BPIFA2: variants seen among roughly 807,000 people sequenced by gnomAD.
The protein encoded by BPIFA2 is BPI fold-containing family A member 2.
A neutral mutation model predicts 25.7 loss-of-function variants in BPIFA2; 20 were observed. The ratio of observed to expected loss-of-function variants is 0.78; its 90% CI spans 0.55 to 1.13. BPIFA2 has a LOEUF of 1.13. Among genes scored for constraint, BPIFA2 ranks in the 50% most tolerant of loss-of-function variants. The pLI is 0.00. For missense variants in BPIFA2, 300 were observed against 298.1 expected (o/e 1.01, Z -0.05); for synonymous variants, 126 against 124.3 (o/e 1.01, Z -0.09).
At chr20:33,166,810 C>A (rs993939894), upstream of BPIFA2, among the ~76,000 whole-genome samples, 2 of 152,238 alleles carry the variant, frequency 1.3e-5, no homozygotes, top group African/African-American at 4.8e-5. Flanking sequence ...CACCAGGTCT[C>A]GAGGTCACTG....
upstream of BPIFA2, among the ~76,000 whole-genome samples, chr20:33,165,819 G>A (rs1983706338): frequency 6.6e-6 from 1 of 152,156 alleles, no homozygotes; most frequent in South Asian, 2.1e-4. Flanking sequence ...AAGACTTTGT[G>A]TAACCTGGAG....
rs186765312 is a variant in BPIFA2, at chr20:33,174,860, G to A, written c.411-547G>A. On this transcript the variant is annotated intron_variant, in intron 4 of 8. Coordinates refer to ENST00000354932, the MANE Select transcript of BPIFA2 (RefSeq NM_080574.4). Reference sequence around the variant, plus strand: ...GGAGAGGTCGAGGCTGCAGTGAGCCGTGATTGCACCACTGCATTCCAGCCT... The same window carrying A: ...GGAGAGGTCGAGGCTGCAGTGAGCCATGATTGCACCACTGCATTCCAGCCT... Among the ~76,000 whole-genome samples the A allele has an allele frequency of 1.4e-4, 22 of 152,306 alleles. No individual in the cohort carries two copies. The South Asian group carries it at 1.7e-3, about 11-fold the overall frequency.
upstream of BPIFA2, among the ~76,000 whole-genome samples, chr20:33,165,984 T>A (rs1306879786): frequency 6.6e-6 from 1 of 152,110 alleles, no homozygotes; most frequent in Non-Finnish European, 1.5e-5. Context: ...TATATAATAT[T>A]AATCTTATGA....
At chr20:33,167,391 A>T (rs907311473), upstream of BPIFA2, among the ~76,000 whole-genome samples, 1 of 151,852 alleles carries the variant, frequency 6.6e-6, no homozygotes, top group African/African-American at 2.4e-5. Flanking sequence ...AGGCCCAGGG[A>T]CTCTCCCTCT....
chr20:33,175,057 G>C (rs540783162), intron 4 of BPIFA2, among the ~76,000 whole-genome samples: 1 of 152,232 alleles, frequency 6.6e-6, no homozygotes, highest in African/African-American at 2.4e-5. Context: ...TCTGTACCAA[G>C]GTTTCCTCAT....
Position 33,174,146 on chromosome 20 carries a change from A to T in BPIFA2, c.370A>T (p.Asn124Tyr), listed in dbSNP as rs1239205378. 6.2e-7 allele frequency: 1 copy of T among 1,614,194 alleles called. No individual in the cohort carries two copies. Among genetic ancestry groups the T allele is most frequent in the South Asian group, 1.1e-5 (1 of 91,076 alleles). Residue 124 changes from asparagine (N) to tyrosine (Y), a missense_variant, in exon 4 of 9, where the codon AAC becomes TAC. Transcript: ENST00000354932. ...ACCGATCGATGATGGCAAAGGCCTT[A>T]ACCTGAGCTTCCCTGTCACCGCGAA... The part of the protein sequence containing the change: ...AEPIDDGKGL[N>Y]LSFPVTANVT...
In BPIFA2 at chr20:33,173,074, T is replaced by G. The variant is rs1367376769; in HGVS notation, c.300T>G (p.Phe100Leu). Reference protein sequence around the residue: ...SKLLPTNTDIFGLKISNSLIL... With the variant: ...SKLLPTNTDILGLKISNSLIL... Reference sequence around the variant, plus strand: ...TGCTTCCAACTAACACGGACATTTTTGGGTGAGTTGGTCCTTCAGGGTGGA... The same window carrying G: ...TGCTTCCAACTAACACGGACATTTTGGGGTGAGTTGGTCCTTCAGGGTGGA... The change falls in exon 3 of 9, where the codon TTT (phenylalanine) becomes TTG (leucine). Residue 100 changes from phenylalanine to leucine, a missense_variant and splice_region_variant. By Grantham distance (22) the Phe-to-Leu change is conservative. Transcript: ENST00000354932. 2 of 1,613,688 alleles carry G rather than the reference T, an allele frequency of 1.2e-6. No individual in the cohort carries two copies. Among genetic ancestry groups the G allele is most frequent in the African/African-American group, 2.7e-5 (2 of 75,020 alleles).
chr20:33,178,802 T>G (rs1600603567), intron 6 of BPIFA2, among the ~76,000 whole-genome samples: 1 of 152,238 alleles, frequency 6.6e-6, no homozygotes, highest in East Asian at 1.9e-4. Flanking sequence ...TTTAGTTATA[T>G]TCCAAAAGCG....
At chr20:33,172,826 A>G in intron 2 of BPIFA2, 106 bp from the exon 3 acceptor site, 1 of 1,245,964 alleles carries the variant, frequency 8.0e-7, no homozygotes. Context: ...GAGTTGTTAT[A>G]AAGATTAAAT....
intron 5 of BPIFA2, among the ~76,000 whole-genome samples, chr20:33,177,197 A>T (rs918708229): frequency 1.3e-5 from 2 of 152,110 alleles, no homozygotes; most frequent in African/African-American, 4.8e-5. Flanking sequence ...TCTACTAAAA[A>T]TACAAAAATT....
At chr20:33,174,307 T>A (rs1984003791) in intron 4 of BPIFA2, 121 bp downstream of exon 4, 1 of 814,156 alleles carries the variant, frequency 1.2e-6, no homozygotes, top group Non-Finnish European at 2.1e-6. Context: ...AGTTTCCCAA[T>A]CTGTGAGTGA....
chr20:33,175,609 C>A (rs1412121118), intron 5 of BPIFA2, 50 bp downstream of exon 5: 1 of 1,584,084 alleles, frequency 6.3e-7, no homozygotes, highest in African/African-American at 1.3e-5. Context: ...AACTTGAGGA[C>A]CCCTAATTTC....
upstream of BPIFA2, among the ~76,000 whole-genome samples, chr20:33,165,919 G>T (rs529323236): frequency 2.6e-5 from 4 of 151,910 alleles, no homozygotes; most frequent in Admixed American, 2.6e-4. Context: ...CTGAACCTCG[G>T]GTGACCTCTG....
At chr20:33,172,597 A>G (rs1479651889) in intron 2 of BPIFA2, among the ~76,000 whole-genome samples, 2 of 152,032 alleles carry the variant, frequency 1.3e-5, no homozygotes, top group African/African-American at 4.8e-5. Flanking sequence ...ATGGACCCCT[A>G]AGTCACTCCT....
chr20:33,179,977 C>T lies in BPIFA2; in HGVS notation c.709+310C>T, dbSNP rs9679960. Among the ~76,000 whole-genome samples, 764 of 152,104 alleles carry T rather than the reference C, an allele frequency of 5.0e-3. 8 individuals are homozygous for T. Among genetic ancestry groups the T allele is most frequent in the African/African-American group, 0.018 (733 of 41,490 alleles). ...TCACACTTGTAATCCTAGCACTTTG[C>T]GAGGCTGAGGTGGGCAGACCACTTG... is the stretch of plus-strand genomic sequence containing the variant. On this transcript the variant is annotated intron_variant, in intron 7 of 8. Transcript: ENST00000354932.
chr20:33,166,678 G>A (rs766815561), upstream of BPIFA2, among the ~76,000 whole-genome samples: 3 of 152,138 alleles, frequency 2.0e-5, no homozygotes, highest in South Asian at 6.2e-4. Context: ...TCTGAGCACT[G>A]CCCTCAAAGC....
chr20:33,175,428 C>A lies in BPIFA2; in HGVS notation c.432C>A (p.Ile144=), dbSNP rs1336808440. ...TVAGPIIGQI[I]NLKASLDLLT... Reference sequence around the variant, plus strand: ...GCAGGCCCATCATTGGCCAGATTATCAACCTGAAAGCCTCCTTGGACCTCC... The same window carrying A: ...GCAGGCCCATCATTGGCCAGATTATAAACCTGAAAGCCTCCTTGGACCTCC... Residue 144 remains isoleucine, a synonymous_variant, in exon 5 of 9, where the codon ATC becomes ATA. Transcript: ENST00000354932. 1 of 1,613,880 alleles carries A rather than the reference C, an allele frequency of 6.2e-7. No homozygotes were observed. Among genetic ancestry groups the A allele is most frequent in the Non-Finnish European group, 8.5e-7 (1 of 1,179,850 alleles).
upstream of BPIFA2, among the ~76,000 whole-genome samples, chr20:33,165,756 G>A (rs756143317): frequency 3.3e-5 from 5 of 152,162 alleles, no homozygotes; most frequent in African/African-American, 9.7e-5. Flanking sequence ...TTCATCTCGC[G>A]ACCCTCATGG....
chr20:33,164,543 T>TCG (rs1983667666), upstream of BPIFA2, among the ~76,000 whole-genome samples: 1 of 151,720 alleles, frequency 6.6e-6, no homozygotes, highest in Admixed American at 6.6e-5. Flanking sequence ...TTCTTCTCTC[T>TCG]CCACATCCCC....
Sources: allele counts gnomAD v4.1 joint callset (sites outside exome capture counted in the v4.1 genomes callset), GRCh38; gene constraint gnomAD v4.1.1; transcripts MANE v1.5; gene names NCBI Gene and HGNC (gene_info 2026-07-23, HGNC 2026-07-21).